ULK4: variants seen among roughly 807,000 people sequenced by gnomAD.
ULK4 encodes the protein unc-51 like kinase 4.
A neutral mutation model predicts 160.6 loss-of-function variants in ULK4; 133 were observed. The observed-to-expected ratio is 0.83, with a 90% confidence interval of 0.72 to 0.96. The LOEUF (loss-of-function observed/expected upper bound fraction) is 0.96, where lower values mean the gene tolerates loss of function less well. Ranked by LOEUF, ULK4 falls within the 40% of genes least tolerant of loss-of-function variation. The pLI is 0.00. For missense variants in ULK4, 1,580 were observed against 1,499.5 expected, an observed-to-expected ratio of 1.05 and a Z score of -0.89; for synonymous variants, 534 against 539.8, an observed-to-expected ratio of 0.99 and a Z score of 0.15.
At chr3:41,879,106 A>T (rs1247060916) in intron 17 of ULK4, among the ~76,000 whole-genome samples, 1 of 152,226 alleles carries the variant, frequency 6.6e-6, no homozygotes, top group Admixed American at 6.5e-5. Context: ...AGGAATTAAG[A>T]GACTTAAGGG....
At chr3:41,823,863 G>A (rs6768438) in intron 18 of ULK4, among the ~76,000 whole-genome samples, 47,583 of 151,944 alleles carry the variant, frequency 0.31, 10,926 homozygotes, top group African/African-American at 0.65. Flanking sequence ...CTTGTATTCA[G>A]TTAAAGTATA....
At chr3:41,619,549 A>G (rs1559437224) in intron 30 of ULK4, among the ~76,000 whole-genome samples, 1 of 152,102 alleles carries the variant, frequency 6.6e-6, no homozygotes, top group Non-Finnish European at 1.5e-5. Context: ...AGGCAGAAAT[A>G]AAGTTATTTG....
At chr3:41,366,912 A>G (rs190677327) in intron 35 of ULK4, among the ~76,000 whole-genome samples, 1 of 152,006 alleles carries the variant, frequency 6.6e-6, no homozygotes, top group Non-Finnish European at 1.5e-5. Context: ...CATTTCTCTC[A>G]CTCTGTGCTC....
At chr3:41,787,346 G>A (rs2040026051) in intron 21 of ULK4, among the ~76,000 whole-genome samples, 1 of 152,126 alleles carries the variant, frequency 6.6e-6, no homozygotes, top group South Asian at 2.1e-4. Flanking sequence ...CAATGATGAG[G>A]ATCCCTTCCC....
chr3:41,354,662 G>A (rs2080992820), intron 35 of ULK4, among the ~76,000 whole-genome samples: 1 of 152,104 alleles, frequency 6.6e-6, no homozygotes, highest in African/African-American at 2.4e-5. Flanking sequence ...CAGAAGCCAG[G>A]TTACAAAAGT....
chr3:41,309,243 T>C (rs555405100), intron 35 of ULK4, among the ~76,000 whole-genome samples: 11 of 152,284 alleles, frequency 7.2e-5, no homozygotes, highest in Admixed American at 6.5e-4. Flanking sequence ...TACAGGAATA[T>C]TGCTGCAGGA....
chr3:41,400,651 T>C (rs1435100978), intron 34 of ULK4, among the ~76,000 whole-genome samples: 1 of 152,216 alleles, frequency 6.6e-6, no homozygotes, highest in Non-Finnish European at 1.5e-5. Flanking sequence ...CAAGTTTTTG[T>C]GTGAACATTA....
intron 35 of ULK4, among the ~76,000 whole-genome samples, chr3:41,262,214 T>G (rs998202425): frequency 6.6e-6 from 1 of 151,792 alleles, no homozygotes; most frequent in East Asian, 1.9e-4. Flanking sequence ...AAGCCGGGAG[T>G]TGACATTTCC....
chr3:41,476,397 A>G (rs1289818602), intron 32 of ULK4, among the ~76,000 whole-genome samples: 1 of 152,224 alleles, frequency 6.6e-6, no homozygotes, highest in Non-Finnish European at 1.5e-5. Flanking sequence ...ACAGACAGCC[A>G]TGATCAAGAC....
intron 32 of ULK4, among the ~76,000 whole-genome samples, chr3:41,515,115 T>C (rs2085708275): frequency 6.6e-6 from 1 of 151,646 alleles, no homozygotes; most frequent in African/African-American, 2.4e-5. Context: ...AAATTAGCTG[T>C]GTGTGATGGT....
chr3:41,285,308 A>C (rs964961468), intron 35 of ULK4, among the ~76,000 whole-genome samples: 3 of 152,250 alleles, frequency 2.0e-5, no homozygotes, highest in African/African-American at 7.2e-5. Flanking sequence ...TAGCAGCATA[A>C]TTTGCAACTG....
intron 32 of ULK4, among the ~76,000 whole-genome samples, chr3:41,505,557 C>T (rs1048793169): frequency 2.6e-5 from 4 of 152,078 alleles, no homozygotes; most frequent in African/African-American, 4.8e-5. Context: ...TTTATGAATG[C>T]TACTATAAAT....
At chr3:41,884,172 G>T (rs1416053639) in intron 16 of ULK4, among the ~76,000 whole-genome samples, 2 of 152,126 alleles carry the variant, frequency 1.3e-5, no homozygotes, top group African/African-American at 2.4e-5. Flanking sequence ...CTGCAATACT[G>T]CAACAGCGAC....
intron 32 of ULK4, among the ~76,000 whole-genome samples, chr3:41,563,605 A>G (rs2087680819): frequency 6.6e-6 from 1 of 152,030 alleles, no homozygotes; most frequent in Non-Finnish European, 1.5e-5. Context: ...TATTTCATTA[A>G]TTTGACCTTC....
At chr3:41,418,227 C>T (rs2082574289) in intron 34 of ULK4, among the ~76,000 whole-genome samples, 1 of 151,788 alleles carries the variant, frequency 6.6e-6, no homozygotes, top group Non-Finnish European at 1.5e-5. Context: ...AACTTAACTA[C>T]TAATAGCCTA....
chr3:41,649,041 T>C (rs1490650897), intron 30 of ULK4, among the ~76,000 whole-genome samples: 1 of 150,432 alleles, frequency 6.6e-6, no homozygotes, highest in Non-Finnish European at 1.5e-5. Context: ...GGCAGGCGGG[T>C]TGTTTGAGCC....
At position 41,805,900 on chromosome 3, in the gene ULK4, G is replaced by A. The variant is rs879315272; in HGVS notation, c.1849-5607C>T. ...ATTTGGTTTGCCAGTATTTTATTGA[G>A]GATTTTTGCATCAATGTTCATCAAG... On this transcript the variant is annotated intron_variant, in intron 19 of 36. Coordinates refer to ENST00000301831, the MANE Select transcript of ULK4 (RefSeq NM_017886.4). 9.7e-3 allele frequency among the ~76,000 whole-genome samples: 1,411 copies of A among 146,126 alleles called. 11 individuals are homozygous for A. The highest frequency in any genetic ancestry group is 0.016 in the Non-Finnish European group (1,062 of 66,094).
At chr3:41,424,241 G>A (rs1047034280) in intron 34 of ULK4, among the ~76,000 whole-genome samples, 3 of 152,152 alleles carry the variant, frequency 2.0e-5, no homozygotes, top group African/African-American at 7.2e-5. Flanking sequence ...GCAACTCCAG[G>A]CAGGGGTTTG....
intron 32 of ULK4, among the ~76,000 whole-genome samples, chr3:41,489,040 C>A (rs1445550272): frequency 1.3e-5 from 2 of 152,114 alleles, no homozygotes; most frequent in East Asian, 3.9e-4. Flanking sequence ...CCTCCAAACC[C>A]CCAACCCCTG....
Sources: allele counts gnomAD v4.1 joint callset (sites outside exome capture counted in the v4.1 genomes callset), GRCh38; gene constraint gnomAD v4.1.1; transcripts MANE v1.5; gene names NCBI Gene and HGNC (gene_info 2026-07-23, HGNC 2026-07-21).